Variants in TRUB2 observed in about 807,000 individuals in gnomAD.
TRUB2 encodes pseudouridylate synthase TRUB2, mitochondrial.
TRUB2 carries 31 observed loss-of-function variants against 31.9 expected under a neutral mutation model. That is an observed-to-expected ratio of 0.97 (90% CI 0.73 to 1.31). The LOEUF is 1.31. TRUB2 is among the 50% of genes most tolerant of loss of function. The pLI, the probability that TRUB2 is intolerant of heterozygous loss-of-function variation, is 0.00. For synonymous variants in TRUB2, 201 were observed against 182.6 expected (o/e 1.10, Z -0.81); for missense variants, 451 against 439.6 (o/e 1.03, Z -0.23).
chr9:128,318,457 G>T (rs1832104420), intron 2 of TRUB2, among the ~76,000 whole-genome samples: 1 of 152,076 alleles, frequency 6.6e-6, no homozygotes, highest in Non-Finnish European at 1.5e-5. Context: ...TAGAAAAAGG[G>T]TCAGCAAACT....
At chr9:128,315,416 TA>T in intron 4 of TRUB2, 150 bp downstream of exon 4, 1 of 666,850 alleles carries the variant, frequency 1.5e-6, no homozygotes, top group East Asian at 2.7e-5. Flanking sequence ...TTGTTATTAT[TA>T]TTACAGCCCC....
rs1047194983 is a variant in TRUB2, at chr9:128,307,675, T to C, written c.*1875A>G. 2.2e-4 allele frequency: 34 copies of C among 152,006 alleles called. No individual in the cohort carries two copies. The highest frequency in any genetic ancestry group is 8.2e-4 in the African/African-American group (34 of 41,390). The allele number at this position is 152,006 out of a possible 1,614,324, so 9.4% of individuals were successfully genotyped here. A position where few individuals can be genotyped will look rare whatever the true frequency, so the allele number is the denominator to read the frequency against. ...TGACCCAGGAGGGTCGAGGCTGCAA[T>C]GAGTTGAAACCGCGCCACTGCACTC... On this transcript the variant is annotated 3_prime_UTR_variant, in exon 8 of 8. Transcript: ENST00000372890.
At chr9:128,322,214 A>G in intron 1 of TRUB2, 86 bp downstream of exon 1, 2 of 1,157,288 alleles carry the variant, frequency 1.7e-6, no homozygotes, top group Admixed American at 3.7e-5. Context: ...AGGTCACGTG[A>G]TTTTGTTTTG....
intron 6 of TRUB2, 40 bp from the exon 7 acceptor site, chr9:128,311,063 TA>T (rs1831961207): frequency 1.2e-6 from 2 of 1,604,612 alleles, no homozygotes; most frequent in Non-Finnish European, 1.7e-6. Flanking sequence ...GTGGCCCACC[TA>T]CCCTTTCCCC....
At chr9:128,315,656 C>A in intron 3 of TRUB2, 28 bp from the exon 4 acceptor site, 1 of 1,607,744 alleles carries the variant, frequency 6.2e-7, no homozygotes, top group Non-Finnish European at 8.5e-7. Flanking sequence ...TCATCTCACA[C>A]CTGGGACCCC....
chr9:128,313,535 C>CAAAAAAAAA (rs563876862), intron 5 of TRUB2, among the ~76,000 whole-genome samples: 2 of 79,216 alleles, frequency 2.5e-5, no homozygotes, highest in East Asian at 3.4e-4. Flanking sequence ...GACTCCGTCT[C>CAAAAAAAAA]AAAAAAAAAA....
intron 2 of TRUB2, among the ~76,000 whole-genome samples, chr9:128,317,987 T>C (rs1832096682): frequency 6.6e-6 from 1 of 152,166 alleles, no homozygotes; most frequent in East Asian, 1.9e-4. Context: ...CTTAATCACA[T>C]CTAGTGATGG....
At chr9:128,321,791 T>C in intron 1 of TRUB2, 61 bp from the exon 2 acceptor site, 1 of 1,517,034 alleles carries the variant, frequency 6.6e-7, no homozygotes, top group Non-Finnish European at 8.9e-7. Context: ...TATAAAATAT[T>C]TTTTAAGAGA....
chr9:128,322,276 G>A (rs1405076388), intron 1 of TRUB2, 24 bp downstream of exon 1: 6 of 1,585,218 alleles, frequency 3.8e-6, no homozygotes, highest in Non-Finnish European at 5.2e-6. Context: ...GAGCGGGAAC[G>A]TGGGTCTGGT....
intron 2 of TRUB2, 87 bp downstream of exon 2, chr9:128,321,512 G>A (rs1832174543): frequency 1.3e-6 from 2 of 1,596,098 alleles, no homozygotes; most frequent in Non-Finnish European, 8.6e-7. Context: ...CAAGGGCCTG[G>A]CACAGGAATC....
At chr9:128,315,457 T>C (rs1021504927) in intron 4 of TRUB2, 110 bp downstream of exon 4, 56 of 1,102,754 alleles carry the variant, frequency 5.1e-5, no homozygotes, top group Non-Finnish European at 7.3e-5. Flanking sequence ...AAAAAAATGC[T>C]TGCTTATGGC....
At chr9:128,311,924 C>T (rs983773251) in intron 5 of TRUB2, among the ~76,000 whole-genome samples, 2 of 150,954 alleles carry the variant, frequency 1.3e-5, no homozygotes, top group Admixed American at 1.3e-4. Flanking sequence ...CAAGCTCCGC[C>T]TCCCAGGTTC....
In TRUB2 at chr9:128,309,253, C is replaced by T. The variant is rs1021720741; in HGVS notation, c.*297G>A. 2.5e-6 allele frequency: 1 copy of T among 404,754 alleles called. No individual in the cohort carries two copies. The highest frequency in any genetic ancestry group is 2.0e-5 in the African/African-American group (1 of 50,130). The allele number at this position is 404,754 out of a possible 1,614,324, so 25.1% of individuals were successfully genotyped here. The stretch of plus-strand genomic sequence containing the variant: ...TCTAGCGCACTACAACCTTAAACTC[C>T]TGGGCTCAAGCAATTCTCCTGCCTC... On this transcript the variant is annotated 3_prime_UTR_variant, in exon 8 of 8. Transcript: ENST00000372890.
chr9:128,311,678 A>G, intron 5 of TRUB2, 77 bp from the exon 6 acceptor site: 2 of 1,494,102 alleles, frequency 1.3e-6, no homozygotes, highest in Non-Finnish European at 1.9e-6. Context: ...CCCCCAGGCC[A>G]GCCCCATCCC....
chr9:128,313,477 A>G (rs550118382), intron 5 of TRUB2, among the ~76,000 whole-genome samples: 1 of 148,366 alleles, frequency 6.7e-6, no homozygotes, highest in African/African-American at 2.5e-5. Flanking sequence ...TGGTGCTTGC[A>G]GCGAGCTGAG....
At chr9:128,314,087 T>A (rs1045119459) in intron 4 of TRUB2, among the ~76,000 whole-genome samples, 198 bp from the exon 5 acceptor site, 3 of 152,190 alleles carry the variant, frequency 2.0e-5, no homozygotes, top group Non-Finnish European at 4.4e-5. Flanking sequence ...CTTGCTCTCT[T>A]TGTATTCAAG....
intron 1 of TRUB2, among the ~76,000 whole-genome samples, chr9:128,322,080 CA>C (rs1832194793): frequency 6.6e-6 from 1 of 152,224 alleles, no homozygotes; most frequent in South Asian, 2.1e-4. Flanking sequence ...ACAGACTCTA[CA>C]ACGTAGTAAC....
intron 2 of TRUB2, among the ~76,000 whole-genome samples, chr9:128,318,069 C>T (rs1832097837): frequency 1.3e-5 from 2 of 152,156 alleles, no homozygotes; most frequent in South Asian, 4.1e-4. Flanking sequence ...TTCGGCTGGG[C>T]GCAGTGGCTC....
At position 128,313,691 on chromosome 9, in the gene TRUB2, G is replaced by T; in HGVS notation, c.460+117C>A. On this transcript the variant is annotated intron_variant, in intron 5 of 7. Transcript: ENST00000372890. ...CACAGATCCCGTGGCCAAAGCCTCA[G>T]CCCAAGCCTAGTGTGTGCAGTGGAA... 4 of 912,806 alleles carry T rather than the reference G, an allele frequency of 4.4e-6. No homozygotes were observed. The South Asian group carries it at 5.8e-5, about 13-fold the overall frequency. The allele number at this position is 912,806 out of a possible 1,614,324, so 56.5% of individuals were successfully genotyped here. A position where few individuals can be genotyped will look rare whatever the true frequency, so the allele number is the denominator to read the frequency against.
Sources: gnomAD v4.1 joint callset for allele counts (sites outside exome capture counted in the v4.1 genomes callset) on GRCh38, gnomAD v4.1.1 for gene constraint, MANE v1.5 for transcripts, NCBI Gene and HGNC (gene_info 2026-07-23, HGNC 2026-07-21) for gene names.